The following AP3B1 variants were observed in gnomAD, a reference collection of about 807,000 sequenced individuals.
AP3B1 encodes the protein AP-3 complex subunit beta-1.
In AP3B1, 61 loss-of-function variants were observed where a neutral mutation model predicts 132.5. The observed-to-expected ratio is 0.46, with a 90% CI of 0.37 to 0.57. AP3B1 has a LOEUF of 0.57. AP3B1 is among the 20% of genes least tolerant of loss of function. The pLI, the probability that AP3B1 is intolerant of heterozygous loss-of-function variation, is 0.00. For synonymous variants in AP3B1, 388 were observed against 438.3 expected (o/e 0.89, Z 1.43); for missense variants, 1,120 against 1,289.4 (o/e 0.87, Z 2.01).
intron 8 of AP3B1, among the ~76,000 whole-genome samples, chr5:78,180,571 T>C (rs1267922463): frequency 1.3e-5 from 2 of 151,936 alleles, no homozygotes; most frequent in Non-Finnish European, 2.9e-5. Context: ...AGATAATGGT[T>C]TGGATAAATC....
chr5:78,012,787 A>G (rs1746672941), intron 26 of AP3B1, among the ~76,000 whole-genome samples: 1 of 152,200 alleles, frequency 6.6e-6, no homozygotes, highest in South Asian at 2.1e-4. Flanking sequence ...CAATCTCTGC[A>G]CTCCAAAGTC....
intron 22 of AP3B1, among the ~76,000 whole-genome samples, chr5:78,052,157 A>C (rs1748611255): frequency 1.3e-5 from 2 of 152,192 alleles, no homozygotes; most frequent in Non-Finnish European, 1.5e-5. Flanking sequence ...TATGTATATA[A>C]ATTTTGATAT....
intron 22 of AP3B1, among the ~76,000 whole-genome samples, chr5:78,081,412 A>G (rs1749998332): frequency 7.1e-6 from 1 of 140,618 alleles, no homozygotes; most frequent in African/African-American, 2.7e-5. Context: ...GGTTCACGCC[A>G]TTCTCCTGCC....
At position 78,112,038 on chromosome 5, in the gene AP3B1, C is replaced by T. The variant is rs149514178; in HGVS notation, c.2250-1684G>A. On this transcript the variant is annotated intron_variant, in intron 19 of 26. Transcript: ENST00000255194. ...TTGGAGTGTAAAATTTAAATTTGGTCATAAATATTTATGATTACTAAAGGG... is the reference window on the plus strand; with the variant it reads ...TTGGAGTGTAAAATTTAAATTTGGTTATAAATATTTATGATTACTAAAGGG... Among the ~76,000 whole-genome samples the T allele has an allele frequency of 7.5e-3, 1,141 of 151,940 alleles. 17 individuals carry two copies. Among genetic ancestry groups the T allele is most frequent in the African/African-American group, 0.026 (1,067 of 41,422 alleles).
intron 2 of AP3B1, among the ~76,000 whole-genome samples, chr5:78,246,325 C>T (rs2112528043): frequency 6.6e-6 from 1 of 152,292 alleles, no homozygotes; most frequent in African/African-American, 2.4e-5. Context: ...TACTCTCCAT[C>T]CAATCCTCTA....
intron 1 of AP3B1, among the ~76,000 whole-genome samples, chr5:78,288,888 A>C (rs544370547): frequency 2.0e-5 from 3 of 152,020 alleles, no homozygotes; most frequent in Non-Finnish European, 4.4e-5. Context: ...TACTAGGATA[A>C]GCAAAAAGAA....
At chr5:78,262,141 T>A (rs1580561130) in intron 2 of AP3B1, among the ~76,000 whole-genome samples, 1 of 152,258 alleles carries the variant, frequency 6.6e-6, no homozygotes, top group African/African-American at 2.4e-5. Flanking sequence ...TTATCAGATA[T>A]ATGATTTGCA....
intron 22 of AP3B1, among the ~76,000 whole-genome samples, chr5:78,048,690 C>G (rs1288215399): frequency 6.6e-6 from 1 of 152,186 alleles, no homozygotes; most frequent in Non-Finnish European, 1.5e-5. Flanking sequence ...GAGAAACTAG[C>G]TGGTAACTTT....
chr5:78,174,517 GGCTGCAGCACAGCAAAT>G (rs1048599800), intron 11 of AP3B1, among the ~76,000 whole-genome samples: 19 of 151,172 alleles, frequency 1.3e-4, no homozygotes, highest in Middle Eastern at 3.5e-3. Context: ...CACCAGCGGA[GGCTGCAGCACAGCAAAT>G]GCTGCAGCAC....
At chr5:78,236,285 T>C (rs1458880791) in intron 3 of AP3B1, among the ~76,000 whole-genome samples, 7 of 152,098 alleles carry the variant, frequency 4.6e-5, no homozygotes, top group African/African-American at 1.7e-4. Context: ...CTAGAAGTCC[T>C]CAGGGAACTA....
At chr5:78,015,739 G>T (rs1746831491) in intron 25 of AP3B1, 191 bp from the exon 26 acceptor site, 1 of 561,864 alleles carries the variant, frequency 1.8e-6, no homozygotes, top group Non-Finnish European at 3.1e-6. Context: ...AATCCTCATT[G>T]TATAGGAAAA....
intron 14 of AP3B1, among the ~76,000 whole-genome samples, chr5:78,149,295 T>C (rs1395826188): frequency 1.3e-5 from 2 of 152,206 alleles, no homozygotes; most frequent in African/African-American, 2.4e-5. Context: ...CCTGCTGCTA[T>C]GTGACCTTGG....
Position 78,245,341 on chromosome 5 carries a change from G to A in AP3B1, c.205-4405C>T, listed in dbSNP as rs78064227. On this transcript the variant is annotated intron_variant, in intron 2 of 26. Coordinates refer to ENST00000255194, the MANE Select transcript of AP3B1 (RefSeq NM_003664.5). Reference sequence around the variant, plus strand: ...TAACTTATCAGAGAGCAGCTAGTAGGAGCGGGCTTAACTAGGAGCCTGCAC... The same window carrying A: ...TAACTTATCAGAGAGCAGCTAGTAGAAGCGGGCTTAACTAGGAGCCTGCAC... Among the ~76,000 whole-genome samples, 335 of 152,312 alleles carry A rather than the reference G, an allele frequency of 2.2e-3. 1 individual carries two copies. Among genetic ancestry groups the A allele is most frequent in the African/African-American group, 7.9e-3 (329 of 41,578 alleles).
At chr5:78,138,521 T>C (rs1222830666) in intron 15 of AP3B1, among the ~76,000 whole-genome samples, 1 of 152,160 alleles carries the variant, frequency 6.6e-6, no homozygotes, top group Non-Finnish European at 1.5e-5. Context: ...AATCTCCTCT[T>C]CTTGAGAAAT....
chr5:78,045,309 A>C (rs930989632), intron 22 of AP3B1, among the ~76,000 whole-genome samples: 13 of 151,168 alleles, frequency 8.6e-5, no homozygotes, highest in African/African-American at 3.2e-4. Context: ...TGAACCCAGG[A>C]AGTGGAGGTT....
intron 22 of AP3B1, among the ~76,000 whole-genome samples, chr5:78,080,102 A>G (rs1749926867): frequency 1.3e-5 from 2 of 152,082 alleles, no homozygotes; most frequent in Admixed American, 6.6e-5. Flanking sequence ...TCAGCCTCCT[A>G]GGCTCAAGTG....
At chr5:78,010,515 T>C (rs1746575839) in intron 26 of AP3B1, among the ~76,000 whole-genome samples, 1 of 152,216 alleles carries the variant, frequency 6.6e-6, no homozygotes, top group Non-Finnish European at 1.5e-5. Context: ...TTCTGCTTTT[T>C]GGCCACTGCA....
intron 7 of AP3B1, among the ~76,000 whole-genome samples, chr5:78,212,940 C>T (rs993543623): frequency 7.2e-5 from 11 of 152,128 alleles, no homozygotes; most frequent in South Asian, 2.1e-4. Context: ...TGCAGTGGTG[C>T]GATCTCGGCT....
intron 2 of AP3B1, among the ~76,000 whole-genome samples, chr5:78,251,402 A>G (rs759540217): frequency 3.3e-4 from 50 of 152,218 alleles, no homozygotes; most frequent in Admixed American, 1.8e-3. Context: ...TTTGAACTTC[A>G]TATCACTGAA....
Sources: gnomAD v4.1 joint callset for allele counts (sites outside exome capture counted in the v4.1 genomes callset) on GRCh38, gnomAD v4.1.1 for gene constraint, MANE v1.5 for transcripts, NCBI Gene and HGNC (gene_info 2026-07-23, HGNC 2026-07-21) for gene names.